SLC35F2: variants seen among roughly 807,000 people sequenced by gnomAD.
The protein encoded by SLC35F2 is queuine/queuosine transporter SLC35F2.
Under a neutral mutation model 38.1 loss-of-function variants are expected in SLC35F2, and 25 were observed. The ratio of observed to expected loss-of-function variants is 0.66; its 90% confidence interval spans 0.48 to 0.92. The LOEUF (loss-of-function observed/expected upper bound fraction) is 0.92. SLC35F2 is among the 40% of genes least tolerant of loss of function. The pLI is 0.00. For synonymous variants in SLC35F2, 173 were observed against 181.7 expected, an observed-to-expected ratio of 0.95 and a Z score of 0.38; for missense variants, 409 against 452.9, an observed-to-expected ratio of 0.90 and a Z score of 0.88.
In SLC35F2 at chr11:107,808,627, T is replaced by A. The variant is rs117687358; in HGVS notation, c.415-1751A>T. ...CAGCCCATTCGATCCTGTCCACAGT[T>A]GTTTACTGATTGCCTTTCACTGCAG... is the stretch of plus-strand genomic sequence containing the variant. On this transcript the variant is annotated intron_variant, in intron 3 of 7. Transcript: ENST00000525815. 1.6e-4 allele frequency among the ~76,000 whole-genome samples: 25 copies of A among 152,306 alleles called. No individual in the cohort carries two copies. In the East Asian group the frequency reaches 4.4e-3, roughly 27 times the overall value.
chr11:107,818,132 G>GAAAGAAAGAA (rs1859614357), intron 1 of SLC35F2, among the ~76,000 whole-genome samples: 2 of 141,376 alleles, frequency 1.4e-5, no homozygotes, highest in Non-Finnish European at 3.1e-5. Context: ...AAGAAAGAAA[G>GAAAGAAAGAA]AAAAAGAAAC....
chr11:107,849,532 A>G (rs974667508), intron 1 of SLC35F2, among the ~76,000 whole-genome samples: 8 of 151,848 alleles, frequency 5.3e-5, no homozygotes, highest in Non-Finnish European at 8.8e-5. Context: ...CCAGCTACTC[A>G]GGAGGCTGAG....
At chr11:107,852,667 T>C (rs112445089) in intron 1 of SLC35F2, among the ~76,000 whole-genome samples, 3,123 of 149,648 alleles carry the variant, frequency 0.021, 90 homozygotes, top group African/African-American at 0.072. Context: ...AGGTCAGGAG[T>C]TCAAGACCAG....
intron 1 of SLC35F2, among the ~76,000 whole-genome samples, chr11:107,856,829 G>A (rs115964719): frequency 1.8e-3 from 256 of 139,860 alleles, no homozygotes; most frequent in African/African-American, 6.1e-3. Flanking sequence ...GAGGGAGACC[G>A]GAGCACAGAG....
At chr11:107,824,692 G>A (rs866615645) in intron 1 of SLC35F2, among the ~76,000 whole-genome samples, 3 of 152,084 alleles carry the variant, frequency 2.0e-5, no homozygotes, top group Non-Finnish European at 2.9e-5. Context: ...ACCTTTATGC[G>A]CCTAAGGGTT....
chr11:107,818,143 A>G (rs1768781696), intron 1 of SLC35F2, among the ~76,000 whole-genome samples: 1 of 151,780 alleles, frequency 6.6e-6, no homozygotes, highest in Non-Finnish European at 1.5e-5. Flanking sequence ...AAAAAGAAAC[A>G]ATTGTCAGCT....
At chr11:107,844,697 G>A (rs1347429631) in intron 1 of SLC35F2, among the ~76,000 whole-genome samples, 3 of 148,936 alleles carry the variant, frequency 2.0e-5, no homozygotes, top group South Asian at 2.2e-4. Flanking sequence ...TACACAGGCC[G>A]GGCGCGGTGG....
chr11:107,836,065 T>A (rs888047974), intron 1 of SLC35F2, among the ~76,000 whole-genome samples: 1 of 152,188 alleles, frequency 6.6e-6, no homozygotes, highest in Admixed American at 6.6e-5. Context: ...AACATGCAGC[T>A]CATCCAAAGG....
chr11:107,849,702 C>G (rs1228046646), intron 1 of SLC35F2, among the ~76,000 whole-genome samples: 1 of 150,394 alleles, frequency 6.6e-6, no homozygotes, highest in African/African-American at 2.4e-5. Flanking sequence ...TAGGACTATT[C>G]TGGAAGCGCT....
intron 7 of SLC35F2, among the ~76,000 whole-genome samples, chr11:107,798,674 A>T (rs887426316): frequency 6.6e-6 from 1 of 152,218 alleles, no homozygotes; most frequent in African/African-American, 2.4e-5. Flanking sequence ...AGCGTAAAAA[A>T]TTCTGAGCCT....
At position 107,855,366 on chromosome 11, in the gene SLC35F2, G is replaced by A. The variant is rs189083010; in HGVS notation, c.110+3292C>T. Among the ~76,000 whole-genome samples, 321 of 152,162 alleles carry A rather than the reference G, an allele frequency of 2.1e-3. 5 individuals carry two copies. Among genetic ancestry groups the A allele is most frequent in the Admixed American group, 0.015 (224 of 15,272 alleles). On this transcript the variant is annotated intron_variant, in intron 1 of 7. Transcript: ENST00000525815. ...ACCATTTTTGCTGTTAAAGAACTTC[G>A]TCCATGGCCAGGCGTGTGGCTCACA...
intron 1 of SLC35F2, among the ~76,000 whole-genome samples, chr11:107,818,970 G>GTC (rs777136568): frequency 2.6e-5 from 4 of 152,064 alleles, no homozygotes; most frequent in Non-Finnish European, 5.9e-5. Flanking sequence ...GAGAGACCCT[G>GTC]TCTCTATTTT....
intron 6 of SLC35F2, 64 bp downstream of exon 6, chr11:107,804,654 T>G: frequency 8.6e-7 from 1 of 1,168,362 alleles, no homozygotes; most frequent in Non-Finnish European, 1.3e-6. Context: ...ATAAAGCACA[T>G]ATTTCTAGAT....
At chr11:107,798,820 G>A (rs1034668187) in intron 7 of SLC35F2, among the ~76,000 whole-genome samples, 2 of 152,130 alleles carry the variant, frequency 1.3e-5, no homozygotes, top group African/African-American at 4.8e-5. Flanking sequence ...CATGCCCTGT[G>A]GTCCCAGCAC....
intron 1 of SLC35F2, chr11:107,816,318 A>G: frequency 3.1e-6 from 3 of 980,730 alleles, no homozygotes; most frequent in Non-Finnish European, 2.4e-6. Flanking sequence ...GTCTTGTTCT[A>G]TTGCTCAGGC....
At chr11:107,808,171 C>A (rs894377875) in intron 3 of SLC35F2, among the ~76,000 whole-genome samples, 6 of 152,176 alleles carry the variant, frequency 3.9e-5, no homozygotes, top group African/African-American at 1.4e-4. Context: ...CCAACCCCAC[C>A]ATGTGAGACA....
intron 4 of SLC35F2, among the ~76,000 whole-genome samples, chr11:107,806,325 C>T (rs937113036): frequency 6.6e-6 from 1 of 152,306 alleles, no homozygotes; most frequent in African/African-American, 2.4e-5. Context: ...TCCAAAGAGA[C>T]ACTTAACTCA....
At chr11:107,807,857 G>A (rs1859422877) in intron 3 of SLC35F2, among the ~76,000 whole-genome samples, 1 of 152,178 alleles carries the variant, frequency 6.6e-6, no homozygotes, top group South Asian at 2.1e-4. Context: ...TTACAGGCGT[G>A]AGCCACCACG....
intron 1 of SLC35F2, among the ~76,000 whole-genome samples, chr11:107,847,183 T>C (rs1860114754): frequency 6.6e-6 from 1 of 152,122 alleles, no homozygotes; most frequent in Non-Finnish European, 1.5e-5. Context: ...GCTAGGATTA[T>C]AGGCCTACAC....
Sources: allele counts gnomAD v4.1 joint callset (sites outside exome capture counted in the v4.1 genomes callset), GRCh38; gene constraint gnomAD v4.1.1; transcripts MANE v1.5; gene names NCBI Gene and HGNC (gene_info 2026-07-23, HGNC 2026-07-21).